PAN2: variants seen among roughly 807,000 people sequenced by gnomAD.
The protein encoded by PAN2 is poly(A) specific ribonuclease subunit PAN2, also known as PAN2-PAN3 deadenylation complex catalytic subunit PAN2.
PAN2 carries 68 observed loss-of-function variants against 133.3 expected under a neutral mutation model. The observed-to-expected ratio is 0.51, with a 90% CI of 0.42 to 0.62. The LOEUF (loss-of-function observed/expected upper bound fraction) is 0.62. PAN2 is among the 20% of genes least tolerant of loss of function. PAN2 has a pLI of 0.00. For missense variants in PAN2, 1,042 were observed against 1,500.5 expected (o/e 0.69, Z 5.05); for synonymous variants, 462 against 544.6 (o/e 0.85, Z 2.11).
rs1428716168 is a variant in PAN2 at position 56,326,720 on chromosome 12, C to T, written c.1159G>A (p.Asp387Asn). 2 of 1,613,956 alleles carry T rather than the reference C, an allele frequency of 1.2e-6. No homozygotes were observed. The highest frequency in any genetic ancestry group is 1.7e-6 in the Non-Finnish European group (2 of 1,180,016). Residue 387 changes from aspartate to asparagine, a missense_variant, in exon 7 of 26, where the codon GAC (aspartate) becomes AAC (asparagine). By Grantham distance (23) the Asp-to-Asn change is conservative. Coordinates refer to ENST00000440411, the MANE Select transcript of PAN2 (RefSeq NM_014871.6). ...AGAGGCAGCAGGTCCTGGCTCCAGT[C>T]CAGAGGAGGCAGTGAGTCCACGAGA... ...PCLVDSLPPL[D>N]WSQDLLPLSL... is the part of the protein sequence containing the mutation.
chr12:56,324,554 C>T, intron 11 of PAN2, 27 bp downstream of exon 11: 1 of 1,612,402 alleles, frequency 6.2e-7, no homozygotes, highest in South Asian at 1.1e-5. Flanking sequence ...CCTTCCCCTT[C>T]CATTTTAAGT....
At chr12:56,318,624 T>G in intron 24 of PAN2, 190 bp from the exon 25 acceptor site, 1 of 582,700 alleles carries the variant, frequency 1.7e-6, no homozygotes, top group Non-Finnish European at 3.0e-6. Context: ...CACCACTAAC[T>G]GAGGGTCTCC....
Position 56,328,292 on chromosome 12 carries a change from C to T in PAN2, c.519G>A (p.Gly173=). The change falls in exon 4 of 26, where the codon GGG becomes GGA. Residue 173 remains glycine, a synonymous_variant. Transcript: ENST00000440411. ...LTDSSTLLVG[G]LQNHIIEIDL... ...CAATCTCTATTATGTGATTCTGCAG[C>T]CCACCAACGAGTAGAGTGCTGCTGT... 6.2e-7 allele frequency: 1 copy of T among 1,609,348 alleles called. No homozygotes were observed. The highest frequency in any genetic ancestry group is 8.5e-7 in the Non-Finnish European group (1 of 1,177,402).
At position 56,330,878 on chromosome 12, in the gene PAN2, A is replaced by G. The variant is rs188252282; in HGVS notation, c.282+1935T>C. Among the ~76,000 whole-genome samples, 224 of 152,070 alleles carry G rather than the reference A, an allele frequency of 1.5e-3. 2 individuals carry two copies. Among genetic ancestry groups the G allele is most frequent in the African/African-American group, 5.0e-3 (209 of 41,470 alleles). On this transcript the variant is annotated intron_variant, in intron 2 of 25. Coordinates refer to ENST00000440411, the MANE Select transcript of PAN2 (RefSeq NM_014871.6). Reference sequence around the variant, plus strand: ...CAGTGGTGTGATCTCAGCTCACTGCAACCTCTGCCTCCCAGGTTCAAGCAA... The same window carrying G: ...CAGTGGTGTGATCTCAGCTCACTGCGACCTCTGCCTCCCAGGTTCAAGCAA...
chr12:56,328,465 C>T lies in PAN2; in HGVS notation c.452+7G>A, dbSNP rs1875368559. 6.2e-7 allele frequency: 1 copy of T among 1,613,834 alleles called. No homozygotes were observed. The highest frequency in any genetic ancestry group is 1.1e-5 in the South Asian group (1 of 91,022). ...CGTTCCTAGTCCAGAGCTGAGAAGC[C>T]ACTTACAGGTAATCAAATATAATGA... On this transcript the variant is annotated splice_region_variant and intron_variant, in intron 3 of 25. Transcript: ENST00000440411.
chr12:56,319,906 C>T lies in PAN2; in HGVS notation c.2904G>A (p.Gly968=). The T allele has an allele frequency of 6.2e-7, 1 of 1,614,204 alleles. No homozygotes were observed. ...ACTCAGCATCCAGACCCACCAGGTC[C>T]CCAATCTGTGGCATCTCATTCAGCA... ...PLMLNEMPQI[G]DLVGLDAEFV... The change falls in exon 21 of 26, where the codon GGG becomes GGA. Residue 968 remains glycine (G), a synonymous_variant. Transcript: ENST00000440411. The surrounding 1 kb of genome is among the most constrained non-coding windows in gnomAD (Gnocchi z 5.4).
rs1030844871 is a variant in PAN2, at chr12:56,326,874, T to C, written c.1005A>G (p.Thr335=). 6.2e-7 allele frequency: 1 copy of C among 1,614,040 alleles called. No individual in the cohort carries two copies. Among genetic ancestry groups the C allele is most frequent in the Non-Finnish European group, 8.5e-7 (1 of 1,180,026 alleles). ...CCTGCTTGCTGGCTGACACATCAAA[T>C]GTCATTAGCAGAGGCCCCACAGGAT... ...HVNPVGPLLM[T]FDVSASKQAL... is the part of the protein sequence containing the mutation. The change falls in exon 7 of 26, where the codon ACA becomes ACG. Residue 335 remains threonine, a synonymous_variant. Coordinates refer to ENST00000440411, the MANE Select transcript of PAN2 (RefSeq NM_014871.6).
At chr12:56,323,737 C>G in intron 14 of PAN2, 70 bp downstream of exon 14, 1 of 1,446,914 alleles carries the variant, frequency 6.9e-7, no homozygotes, top group South Asian at 1.1e-5. Flanking sequence ...CAGAGCCAGC[C>G]CCACATGGGA....
At position 56,324,302 on chromosome 12, in the gene PAN2, A is replaced by T; in HGVS notation, c.1920T>A (p.Ala640=). The T allele has an allele frequency of 6.2e-7, 1 of 1,613,656 alleles. No homozygotes were observed. Among genetic ancestry groups the T allele is most frequent in the Non-Finnish European group, 8.5e-7 (1 of 1,180,024 alleles). Residue 640 remains alanine, a synonymous_variant, in exon 12 of 26, where the codon GCT becomes GCA. Coordinates refer to ENST00000440411, the MANE Select transcript of PAN2 (RefSeq NM_014871.6). ...CTATCCTGATTTCATACCTGCCTCC[A>T]GCACCTCGATAAGCCTGTGGTATTT... ...ELEIPQAYRG[A]GGSSFCSSGD... is the part of the protein sequence containing the mutation.
intron 20 of PAN2, among the ~76,000 whole-genome samples, chr12:56,321,148 C>T (rs1413569300): frequency 6.6e-6 from 1 of 151,890 alleles, no homozygotes; most frequent in Non-Finnish European, 1.5e-5. Flanking sequence ...GCAGCCTTGA[C>T]CTCCTGGGCT....
chr12:56,328,666 A>T, intron 2 of PAN2, 25 bp from the exon 3 acceptor site: 2 of 1,608,934 alleles, frequency 1.2e-6, no homozygotes, highest in Non-Finnish European at 1.7e-6. Context: ...GACAACAGAG[A>T]CACTTAGAGT....
At chr12:56,328,208 A>G (rs1184491646) in intron 4 of PAN2, 30 bp downstream of exon 4, 1 of 1,589,602 alleles carries the variant, frequency 6.3e-7, no homozygotes, top group Non-Finnish European at 8.6e-7. Flanking sequence ...CTCAGACCCC[A>G]CATAGGTCTT....
intron 20 of PAN2, among the ~76,000 whole-genome samples, chr12:56,320,908 C>A (rs891628762): frequency 6.1e-5 from 9 of 148,390 alleles, no homozygotes; most frequent in Non-Finnish European, 1.2e-4. Context: ...ACTAAAAATA[C>A]AAAAAATTAG....
rs779847184 is a variant in PAN2, at chr12:56,319,600, T to G, written c.3090+21A>C. ...AGTAAGCACCAGGGTGTGCCTCACT[T>G]GCATCTCCATATCCTAATACCTGCT... On this transcript the variant is annotated intron_variant, in intron 22 of 25. Transcript: ENST00000440411. This position sits in a 1 kb window ranked among gnomAD's most constrained non-coding sequence, Gnocchi z 5.4. 7 of 1,596,936 alleles carry G rather than the reference T, an allele frequency of 4.4e-6. No individual in the cohort carries two copies. In the Admixed American group the frequency reaches 1.2e-4, roughly 28 times the overall value.
In PAN2 at chr12:56,324,477, C is replaced by T; in HGVS notation, c.1745G>A (p.Arg582Gln). 6.2e-7 allele frequency: 1 copy of T among 1,613,422 alleles called. No individual in the cohort carries two copies. The highest frequency in any genetic ancestry group is 8.5e-7 in the Non-Finnish European group (1 of 1,179,522). Residue 582 changes from arginine to glutamine, a missense_variant, in exon 12 of 26, where the codon CGG (arginine) becomes CAG (glutamine). By Grantham distance (43) the Arg-to-Gln change is conservative. This residue lies in a region of PAN2 where 908 missense variants were observed against 1,223.5 expected (regional missense o/e 0.74). Transcript: ENST00000440411. ...GDPCQGNNFLRAFRTIPEASA... is the reference protein window; with the variant it reads ...GDPCQGNNFLQAFRTIPEASA... The stretch of plus-strand genomic sequence containing the variant: ...GGCCTCAGGAATAGTACGGAATGCC[C>T]GAAGAAAATTATTGCCCTGGAAATG...
rs527710116 is a variant in PAN2, at chr12:56,318,113, G to C, written c.3562+124C>G. Reference sequence around the variant, plus strand: ...AATCACTTGAGCCCAGGAAGTCGAGGCTGCAGTGAGCTGTAATCACGCTAC... The same window carrying C: ...AATCACTTGAGCCCAGGAAGTCGAGCCTGCAGTGAGCTGTAATCACGCTAC... On this transcript the variant is annotated intron_variant, in intron 25 of 25. Transcript: ENST00000440411. 14 of 776,498 alleles carry C rather than the reference G, an allele frequency of 1.8e-5. No individual in the cohort carries two copies. In the African/African-American group the frequency reaches 2.2e-4, roughly 12 times the overall value. The allele number at this position is 776,498 out of a possible 1,614,324, so 48.1% of individuals were successfully genotyped here. A position where few individuals can be genotyped will look rare whatever the true frequency, so the allele number is the denominator to read the frequency against.
At chr12:56,331,956 G>A (rs866550875) in intron 2 of PAN2, among the ~76,000 whole-genome samples, 1 of 151,982 alleles carries the variant, frequency 6.6e-6, no homozygotes, top group South Asian at 2.1e-4. Context: ...CTCGTGATCC[G>A]CCTGCCTCAG....
At chr12:56,321,622 G>A (rs889561018) in intron 20 of PAN2, among the ~76,000 whole-genome samples, 5 of 151,164 alleles carry the variant, frequency 3.3e-5, no homozygotes, top group Non-Finnish European at 5.9e-5. Context: ...AGGCTGAGGC[G>A]GGCAGATCAT....
intron 14 of PAN2, 95 bp downstream of exon 14, chr12:56,323,712 G>A: frequency 7.1e-7 from 1 of 1,399,626 alleles, no homozygotes; most frequent in Non-Finnish European, 1.0e-6. Context: ...AGAGATCCCT[G>A]GATGGCAGTG....
Sources: allele counts gnomAD v4.1 joint callset (sites outside exome capture counted in the v4.1 genomes callset), GRCh38; gene constraint gnomAD v4.1.1; regional missense constraint gnomAD v4.1.1; non-coding constraint Gnocchi (gnomAD v3.1); transcripts MANE v1.5; gene names NCBI Gene and HGNC (gene_info 2026-07-23, HGNC 2026-07-21).